Variants in NT5DC4 observed in about 807,000 individuals in gnomAD.
The protein encoded by NT5DC4 is 5'-nucleotidase domain-containing protein 4.
Under a neutral mutation model 26.6 loss-of-function variants are expected in NT5DC4, and 44 were observed. The ratio of observed to expected loss-of-function variants is 1.65; its 90% CI spans 1.30 to 2.13. The LOEUF is 2.13. Among genes scored for constraint, NT5DC4 ranks in the 30% most tolerant of loss-of-function variants. The probability of loss-of-function intolerance (pLI) is 0.00; values close to 1 mark genes in which losing one functional copy is unlikely to be tolerated. For synonymous variants in NT5DC4, 157 were observed against 86.7 expected, an observed-to-expected ratio of 1.81 and a Z score of -4.51; for missense variants, 399 against 228.1, an observed-to-expected ratio of 1.75 and a Z score of -4.83.
At chr2:112,726,172 G>C (rs1000726696) in intron 13 of NT5DC4, 66 bp from the exon 14 acceptor site, 3 of 715,600 alleles carry the variant, frequency 4.2e-6, no homozygotes, top group Non-Finnish European at 7.8e-6. Context: ...GGCAGACACA[G>C]GCAGGCAGGG....
intron 16 of NT5DC4, chr2:112,731,422 TA>T (rs1404601513): frequency 6.6e-6 from 1 of 152,132 alleles, no homozygotes; most frequent in Admixed American, 6.6e-5. Context: ...ACATTTCTTT[TA>T]AAAAATAGTT....
chr2:112,719,916 CTT>C (rs1358197748), upstream of NT5DC4, among the ~76,000 whole-genome samples: 4 of 93,902 alleles, frequency 4.3e-5, no homozygotes, highest in Non-Finnish European at 7.7e-5. Flanking sequence ...TTCTTTCTTT[CTT>C]TCTTTCTCTT....
At chr2:112,737,715 G>A (rs1031584788) in intron 16 of NT5DC4, 1 of 152,128 alleles carries the variant, frequency 6.6e-6, no homozygotes, top group African/African-American at 2.4e-5. Context: ...GTTCCTGGAT[G>A]AGGCTGATAG....
At chr2:112,725,272 T>C in intron 12 of NT5DC4, 32 bp downstream of exon 12, 1 of 698,970 alleles carries the variant, frequency 1.4e-6, no homozygotes, top group Non-Finnish European at 2.7e-6. Context: ...CATCACTCCT[T>C]GGGCACCCTC....
At chr2:112,727,878 C>T (rs1677952102) in intron 15 of NT5DC4, among the ~76,000 whole-genome samples, 1 of 150,786 alleles carries the variant, frequency 6.6e-6, no homozygotes, top group Non-Finnish European at 1.5e-5. Flanking sequence ...ACACTCTTCT[C>T]CAGCCAGCTG....
upstream of NT5DC4, among the ~76,000 whole-genome samples, chr2:112,719,154 A>C (rs1676614131): frequency 6.6e-6 from 1 of 152,122 alleles, no homozygotes; most frequent in South Asian, 2.1e-4. Flanking sequence ...GGTACAGCCT[A>C]TTTCTCCTAG....
intron 15 of NT5DC4, chr2:112,727,065 G>A (rs1677841110): frequency 2.7e-6 from 1 of 365,846 alleles, no homozygotes; most frequent in South Asian, 3.4e-5. Context: ...GTTCTGATAG[G>A]AAATGTGATT....
intron 16 of NT5DC4, among the ~76,000 whole-genome samples, chr2:112,734,873 A>G (rs1678911774): frequency 6.6e-6 from 1 of 151,990 alleles, no homozygotes; most frequent in Non-Finnish European, 1.5e-5. Context: ...TATTTTTAGT[A>G]GAGACAGGGT....
At chr2:112,720,952 C>T (rs532943563), upstream of NT5DC4, among the ~76,000 whole-genome samples, 1 of 152,312 alleles carries the variant, frequency 6.6e-6, no homozygotes, top group African/African-American at 2.4e-5. Context: ...GAGATGGGAG[C>T]ACAGGGTGGG....
rs55923975 is a variant in NT5DC4 at position 112,731,919 on chromosome 2, T to G, written c.1344+2215T>G. ...GGGCCATGGAATCAGAGAGTTTACT[T>G]TTTTTTTTTTTTTTTTTTTTTGAGA... On this transcript the variant is annotated intron_variant, in intron 16 of 16. Coordinates refer to ENST00000688554, the MANE Select transcript of NT5DC4 (RefSeq NM_001393655.1). Among the ~76,000 whole-genome samples the G allele has an allele frequency of 7.8e-3, 1,076 of 137,916 alleles. 15 individuals are homozygous for G. The highest frequency in any genetic ancestry group is 0.029 in the African/African-American group (1,017 of 35,488). The allele number at this position is 137,916 out of a possible 152,430, so 90.5% of individuals were successfully genotyped here. A position where few individuals can be genotyped will look rare whatever the true frequency, so the allele number is the denominator to read the frequency against.
At chr2:112,731,918 T>C (rs77471223) in intron 16 of NT5DC4, among the ~76,000 whole-genome samples, 1 of 118,182 alleles carries the variant, frequency 8.5e-6, no homozygotes, top group African/African-American at 4.3e-5. Context: ...GAGAGTTTAC[T>C]TTTTTTTTTT....
Position 112,726,272 on chromosome 2 carries a change from C to T in NT5DC4, c.1188C>T (p.His396=). ...AGGAGCTGAAGAGACTGGACACGCA[C>T]CTGGCAGACATATACCAGTGAGACC... The part of the protein sequence containing the change: ...RLEELKRLDT[H]LADIYQHMDG... The change falls in exon 14 of 17, where the codon CAC becomes CAT. Residue 396 remains histidine, a synonymous_variant. Coordinates refer to ENST00000688554, the MANE Select transcript of NT5DC4 (RefSeq NM_001393655.1). 1 of 717,324 alleles carries T rather than the reference C, an allele frequency of 1.4e-6. No homozygotes were observed. Among genetic ancestry groups the T allele is most frequent in the Non-Finnish European group, 2.6e-6 (1 of 385,010 alleles). 44.4% of individuals were successfully genotyped at this position (717,324 alleles called of 1,614,324 possible). A position where few individuals can be genotyped will look rare whatever the true frequency, so the allele number is the denominator to read the frequency against.
upstream of NT5DC4, among the ~76,000 whole-genome samples, chr2:112,719,952 T>C (rs1558715144): frequency 8.1e-6 from 1 of 124,066 alleles, no homozygotes; most frequent in African/African-American, 3.2e-5. Context: ...CTTTCTTTCT[T>C]TCTTTCTTTC....
At chr2:112,718,940 C>T (rs774839430), upstream of NT5DC4, among the ~76,000 whole-genome samples, 5 of 152,232 alleles carry the variant, frequency 3.3e-5, no homozygotes, top group Non-Finnish European at 5.9e-5. Flanking sequence ...CTCCATCCAT[C>T]CTCCATTCCT....
At chr2:112,726,894 G>T in intron 15 of NT5DC4, 156 bp downstream of exon 15, 1 of 652,256 alleles carries the variant, frequency 1.5e-6, no homozygotes. Flanking sequence ...TTGTCAGCCA[G>T]CGCCCTCTGC....
rs147283114 is a variant in NT5DC4, at chr2:112,732,595, C to T, written c.1344+2891C>T. On this transcript the variant is annotated intron_variant, in intron 16 of 16. Coordinates refer to ENST00000688554, the MANE Select transcript of NT5DC4 (RefSeq NM_001393655.1). ...TCAGACCCTAGAGCCCATACTTTTCCGGAAAGGTCCTGAAATATAGTGTGG... is the reference window on the plus strand; with the variant it reads ...TCAGACCCTAGAGCCCATACTTTTCTGGAAAGGTCCTGAAATATAGTGTGG... Among the ~76,000 whole-genome samples, 1,050 of 152,310 alleles carry T rather than the reference C, an allele frequency of 6.9e-3. 8 individuals are homozygous for T. Among genetic ancestry groups the T allele is most frequent in the Admixed American group, 0.01 (157 of 15,302 alleles).
At chr2:112,733,741 G>A (rs1379521711) in intron 16 of NT5DC4, among the ~76,000 whole-genome samples, 3 of 152,186 alleles carry the variant, frequency 2.0e-5, no homozygotes, top group Non-Finnish European at 4.4e-5. Flanking sequence ...GACAGCAGCT[G>A]AACTGACATC....
rs983222037 is a variant in NT5DC4 at position 112,725,114 on chromosome 2, C to T, written c.916-60C>T. The T allele has an allele frequency of 1.3e-5, 9 of 687,914 alleles. No individual in the cohort carries two copies. The African/African-American group carries it at 1.6e-4, about 12-fold the overall frequency. The allele number at this position is 687,914 out of a possible 1,614,324, so 42.6% of individuals were successfully genotyped here. A position where few individuals can be genotyped will look rare whatever the true frequency, so the allele number is the denominator to read the frequency against. Reference sequence around the variant, plus strand: ...CCACTCCCAGCTCCCTGCGACCCTCCCTAGCTAGAGACCAAAGATGTGGTT... The same window carrying T: ...CCACTCCCAGCTCCCTGCGACCCTCTCTAGCTAGAGACCAAAGATGTGGTT... On this transcript the variant is annotated intron_variant, in intron 11 of 16. Coordinates refer to ENST00000688554, the MANE Select transcript of NT5DC4 (RefSeq NM_001393655.1).
chr2:112,719,146 T>C (rs1240819514), upstream of NT5DC4, among the ~76,000 whole-genome samples: 1 of 152,204 alleles, frequency 6.6e-6, no homozygotes, highest in Admixed American at 6.5e-5. Flanking sequence ...GGCTGCAGGG[T>C]ACAGCCTATT....
Sources: allele counts gnomAD v4.1 joint callset (sites outside exome capture counted in the v4.1 genomes callset), GRCh38; gene constraint gnomAD v4.1.1; transcripts MANE v1.5; gene names NCBI Gene and HGNC (gene_info 2026-07-23, HGNC 2026-07-21).